The following MAGI3 variants were observed in gnomAD, a reference collection of about 807,000 sequenced individuals.
MAGI3 encodes the protein membrane-associated guanylate kinase, WW and PDZ domain-containing protein 3.
A neutral mutation model predicts 121.8 loss-of-function variants in MAGI3; 43 were observed. That is an observed-to-expected ratio of 0.35 (90% confidence interval 0.28 to 0.46). MAGI3 has a LOEUF of 0.46. Among genes scored for constraint, MAGI3 ranks in the 20% least tolerant of loss-of-function variants. The pLI, the probability that MAGI3 is intolerant of heterozygous loss-of-function variation, is 1.00. For missense variants in MAGI3, 1,547 were observed against 1,797.3 expected (o/e 0.86, Z 2.52); for synonymous variants, 553 against 639.3 (o/e 0.86, Z 2.04).
At chr1:113,583,529 T>A (rs1648168512) in intron 3 of MAGI3, among the ~76,000 whole-genome samples, 1 of 152,140 alleles carries the variant, frequency 6.6e-6, no homozygotes, top group Non-Finnish European at 1.5e-5. Flanking sequence ...TTTCTAGTAG[T>A]ACTACTACCT....
intron 1 of MAGI3, among the ~76,000 whole-genome samples, chr1:113,504,102 AG>A (rs1187756972): frequency 2.0e-5 from 3 of 152,118 alleles, no homozygotes; most frequent in African/African-American, 7.2e-5. Flanking sequence ...ATACGGTTAA[AG>A]AGGATTTCTC....
intron 2 of MAGI3, among the ~76,000 whole-genome samples, chr1:113,560,011 C>T (rs147176373): frequency 3.3e-4 from 51 of 152,276 alleles, no homozygotes; most frequent in Admixed American, 2.0e-4. Flanking sequence ...GAATTCAGCT[C>T]TGGATCAAGA....
At chr1:113,638,950 C>T (rs1426584490) in intron 9 of MAGI3, among the ~76,000 whole-genome samples, 1 of 152,214 alleles carries the variant, frequency 6.6e-6, no homozygotes, top group Non-Finnish European at 1.5e-5. Flanking sequence ...GGCGCCCCTC[C>T]CCCAGCCTCA....
At chr1:113,549,211 A>G (rs1659662884) in intron 1 of MAGI3, among the ~76,000 whole-genome samples, 1 of 152,326 alleles carries the variant, frequency 6.6e-6, no homozygotes, top group African/African-American at 2.4e-5. Flanking sequence ...CATTATATAG[A>G]TAGTATTTAA....
chr1:113,415,542 A>G (rs11801104), intron 1 of MAGI3, among the ~76,000 whole-genome samples: 49 of 151,896 alleles, frequency 3.2e-4, no homozygotes, highest in Non-Finnish European at 5.6e-4. Context: ...CTCCGCTCCT[A>G]TTATACTCCA....
intron 1 of MAGI3, among the ~76,000 whole-genome samples, chr1:113,524,925 G>A (rs1283706526): frequency 6.6e-6 from 1 of 152,134 alleles, no homozygotes; most frequent in Non-Finnish European, 1.5e-5. Context: ...CCCCAGGGGA[G>A]GAAATTGAAT....
rs145068408 is a variant in MAGI3, at chr1:113,494,353, C to T, written c.317-55162C>T. Among the ~76,000 whole-genome samples, 274 of 152,042 alleles carry T rather than the reference C, an allele frequency of 1.8e-3. 1 individual carries two copies. The highest frequency in any genetic ancestry group is 5.8e-3 in the African/African-American group (239 of 41,480). On this transcript the variant is annotated intron_variant, in intron 1 of 20. Coordinates refer to ENST00000307546, the MANE Select transcript of MAGI3 (RefSeq NM_001142782.2). ...GGGAACAACACACGCTGGGGACTATCGGAGGATGAAGGGTGGGAAGAGGGA... is the reference window on the plus strand; with the variant it reads ...GGGAACAACACACGCTGGGGACTATTGGAGGATGAAGGGTGGGAAGAGGGA...
At chr1:113,437,874 TCTTCTC>T (rs1435297564) in intron 1 of MAGI3, among the ~76,000 whole-genome samples, 1 of 29,398 alleles carries the variant, frequency 3.4e-5, no homozygotes, top group African/African-American at 1.9e-4. Flanking sequence ...CTCTTCTTCT[TCTTCTC>T]CTTCTCCTTC....
rs57971770 is a variant in MAGI3, at chr1:113,555,268, C to T, written c.433+5637C>T. On this transcript the variant is annotated intron_variant, in intron 2 of 20. Transcript: ENST00000307546. ...AATATTAAAGATTGGACAAAATGCA[C>T]AAACAACAAACGAAATGTTAAAGGA... Among the ~76,000 whole-genome samples, 600 of 152,110 alleles carry T rather than the reference C, an allele frequency of 3.9e-3. 3 individuals carry two copies. Among genetic ancestry groups the T allele is most frequent in the African/African-American group, 0.014 (577 of 41,500 alleles).
chr1:113,413,763 T>G (rs149506158), intron 1 of MAGI3, among the ~76,000 whole-genome samples: 1 of 152,336 alleles, frequency 6.6e-6, no homozygotes, highest in Non-Finnish European at 1.5e-5. Context: ...GCTTATCAGC[T>G]TAAGGAGATT....
At chr1:113,608,179 A>G (rs902495530) in intron 6 of MAGI3, among the ~76,000 whole-genome samples, 3 of 152,126 alleles carry the variant, frequency 2.0e-5, no homozygotes, top group African/African-American at 2.4e-5. Flanking sequence ...ATTCATCTGT[A>G]TATCCTTTCA....
intron 1 of MAGI3, among the ~76,000 whole-genome samples, chr1:113,440,448 G>A (rs186767902): frequency 1.2e-3 from 176 of 152,278 alleles, no homozygotes; most frequent in African/African-American, 3.6e-3. Flanking sequence ...GCAGAAAAAG[G>A]AATGGTATCA....
chr1:113,517,990 C>G (rs1658010065), intron 1 of MAGI3, among the ~76,000 whole-genome samples: 1 of 152,038 alleles, frequency 6.6e-6, no homozygotes, highest in South Asian at 2.1e-4. Flanking sequence ...AATGGTTCCT[C>G]ATTGCATGTA....
chr1:113,682,143 C>A, intron 20 of MAGI3: 2 of 1,512,220 alleles, frequency 1.3e-6, no homozygotes, highest in Non-Finnish European at 1.8e-6. Flanking sequence ...CCAGTGACAT[C>A]TTTGCTAACT....
At chr1:113,513,678 A>G (rs1486404921) in intron 1 of MAGI3, among the ~76,000 whole-genome samples, 2 of 152,166 alleles carry the variant, frequency 1.3e-5, no homozygotes, top group Non-Finnish European at 2.9e-5. Flanking sequence ...AAAACCCTAG[A>G]AGAAAACCTA....
At chr1:113,470,992 C>G (rs954378546) in intron 1 of MAGI3, among the ~76,000 whole-genome samples, 2 of 152,088 alleles carry the variant, frequency 1.3e-5, no homozygotes, top group Non-Finnish European at 2.9e-5. Flanking sequence ...AACTCATTGC[C>G]CAGACCAATG....
At chr1:113,606,074 T>C (rs1197246721) in intron 6 of MAGI3, among the ~76,000 whole-genome samples, 3 of 152,134 alleles carry the variant, frequency 2.0e-5, no homozygotes, top group Non-Finnish European at 4.4e-5. Flanking sequence ...CAAGTGATTC[T>C]CGTGCCTCAG....
chr1:113,682,378 C>A, intron 20 of MAGI3: 1 of 1,491,140 alleles, frequency 6.7e-7, no homozygotes, highest in South Asian at 1.4e-5. Context: ...TTAAATACAT[C>A]TATTTCTATC....
chr1:113,682,191 C>T, intron 20 of MAGI3: 3 of 1,562,524 alleles, frequency 1.9e-6, no homozygotes, highest in Non-Finnish European at 2.6e-6. Flanking sequence ...TAGTCCTAGG[C>T]TTTTTCTCTT....
Sources: allele counts gnomAD v4.1 joint callset (sites outside exome capture counted in the v4.1 genomes callset), GRCh38; gene constraint gnomAD v4.1.1; transcripts MANE v1.5; gene names NCBI Gene and HGNC (gene_info 2026-07-23, HGNC 2026-07-21).